Variants in WDR87 observed in about 807,000 individuals in gnomAD.
The protein encoded by WDR87 is WD repeat domain 87, also known as WD repeat-containing protein 87.
A neutral mutation model predicts 83.3 loss-of-function variants in WDR87; 56 were observed. That is an observed-to-expected ratio of 0.67 (90% CI 0.54 to 0.84). The LOEUF (loss-of-function observed/expected upper bound fraction) is 0.84, where lower values mean the gene tolerates loss of function less well. WDR87 is among the 40% of genes least tolerant of loss of function. The pLI is 0.00. For synonymous variants in WDR87, 1,173 were observed against 1,250.6 expected, an observed-to-expected ratio of 0.94 and a Z score of 1.31; for missense variants, 2,939 against 3,431.9, an observed-to-expected ratio of 0.86 and a Z score of 3.59.
chr19:37,887,243 A>C lies in WDR87; in HGVS notation c.6428T>G (p.Leu2143Arg). The C allele has an allele frequency of 1.3e-6, 2 of 1,551,776 alleles. No homozygotes were observed. Among genetic ancestry groups the C allele is most frequent in the Non-Finnish European group, 1.7e-6 (2 of 1,146,986 alleles). Residue 2143 changes from leucine to arginine, a missense_variant, in exon 6 of 6, where the codon CTC becomes CGC. Leu to Arg is a moderately radical substitution (Grantham distance 102). Coordinates refer to ENST00000447313, the MANE Select transcript of WDR87 (RefSeq NM_001291088.2). ...ACTCAACCTGCGCTCCTTAACAAAG[A>C]GTGCCCTCTTCATCTTTGTCATTTT... ...EIKMTKMKRA[L>R]FVKERRLSIE... is the part of the protein sequence containing the mutation.
chr19:37,885,388 C>G lies in WDR87; in HGVS notation c.8283G>C (p.Glu2761Asp), dbSNP rs2046134476. The G allele has an allele frequency of 4.5e-6, 7 of 1,551,880 alleles. No homozygotes were observed. In the East Asian group the frequency reaches 1.7e-4, roughly 38 times the overall value. The part of the protein sequence containing the change: ...KTQPISKKKE[E>D]LPLWETFVAL... The stretch of plus-strand genomic sequence containing the variant: ...CCACAAATGTCTCCCACAAAGGCAA[C>G]TCTTCCTTTTTTTTAGAAATGGGCT... Residue 2761 changes from glutamate to aspartate, a missense_variant, in exon 6 of 6, where the codon GAG (glutamate) becomes GAC (aspartate). Glu to Asp is a conservative substitution (Grantham distance 45). Transcript: ENST00000447313.
intron 1 of WDR87, among the ~76,000 whole-genome samples, chr19:37,903,975 C>G (rs546960829): frequency 1.3e-3 from 204 of 152,232 alleles, no homozygotes; most frequent in African/African-American, 4.5e-3. Flanking sequence ...GTGGCGCCAT[C>G]TCCGCTCACT....
Position 37,894,386 on chromosome 19 carries a change from G to A in WDR87, c.1317C>T (p.Thr439=), listed in dbSNP as rs1244385519. 6.4e-7 allele frequency: 1 copy of A among 1,551,750 alleles called. No homozygotes were observed. ...GATACTTGGCTGGGCAAGGGCAGCGGGTTGTGTCAAATACCAGAACCTCTG... is the reference window on the plus strand; with the variant it reads ...GATACTTGGCTGGGCAAGGGCAGCGAGTTGTGTCAAATACCAGAACCTCTG... ...GSSEVLVFDT[T]RCPCPAKYLL... is the part of the protein sequence containing the mutation. Residue 439 remains threonine, a synonymous_variant, in exon 4 of 6, where the codon ACC becomes ACT. Coordinates refer to ENST00000447313, the MANE Select transcript of WDR87 (RefSeq NM_001291088.2).
At chr19:37,897,332 C>T (rs1227543539) in intron 2 of WDR87, among the ~76,000 whole-genome samples, 1 of 151,392 alleles carries the variant, frequency 6.6e-6, no homozygotes, top group South Asian at 2.1e-4. Flanking sequence ...CCTCAGCCTC[C>T]CGAGTAGCTG....
At chr19:37,896,017 A>T (rs1425215453) in intron 3 of WDR87, 121 bp downstream of exon 3, 2 of 1,299,776 alleles carry the variant, frequency 1.5e-6, no homozygotes, top group Admixed American at 4.7e-5. Flanking sequence ...ATGAGGAGAG[A>T]TTTCTGGTTC....
Position 37,893,710 on chromosome 19 carries a change from A to G in WDR87, c.1993T>C (p.Phe665Leu). 6.4e-7 allele frequency: 1 copy of G among 1,551,830 alleles called. No homozygotes were observed. The highest frequency in any genetic ancestry group is 2.4e-5 in the East Asian group (1 of 40,924). ...GACACTAGGTAAAGACTCTGGTTAA[A>G]AGTCACAAGCAGGTCACCCCGGTCA... is the stretch of plus-strand genomic sequence containing the variant. ...ANDRGDLLVT[F>L]NQSLYLVSCL... The change falls in exon 4 of 6, where the codon TTT becomes CTT. Residue 665 changes from phenylalanine (F) to leucine (L), a missense_variant. Coordinates refer to ENST00000447313, the MANE Select transcript of WDR87 (RefSeq NM_001291088.2).
intron 2 of WDR87, among the ~76,000 whole-genome samples, chr19:37,897,678 G>A (rs2145438624): frequency 6.6e-6 from 1 of 152,028 alleles, no homozygotes; most frequent in East Asian, 2.0e-4. Flanking sequence ...GAGCTCAGGA[G>A]TTCACGACCA....
Position 37,885,899 on chromosome 19 carries a change from A to C in WDR87, c.7772T>G (p.Leu2591Arg). 1 of 1,552,352 alleles carries C rather than the reference A, an allele frequency of 6.4e-7. No individual in the cohort carries two copies. Residue 2591 changes from leucine to arginine, a missense_variant, in exon 6 of 6, where the codon CTG becomes CGG. Around this residue, in one of 3 missense-constraint regions of WDR87, gnomAD observed 2,160 missense variants for 2,533.1 expected, o/e 0.85. Coordinates refer to ENST00000447313, the MANE Select transcript of WDR87 (RefSeq NM_001291088.2). The part of the protein sequence containing the change: ...SRDGFHRLCQ[L>R]LKDLASKGNL... ...TCCCTTTGAGGCAAGGTCTTTGAGC[A>C]GCTGGCACAGTCTATGGAAACCATC...
chr19:37,888,943 C>T lies in WDR87; in HGVS notation c.4728G>A (p.Gln1576=). 6.4e-7 allele frequency: 1 copy of T among 1,552,188 alleles called. No individual in the cohort carries two copies. Among genetic ancestry groups the T allele is most frequent in the Non-Finnish European group, 8.7e-7 (1 of 1,147,128 alleles). ...AAGTCACTTCTTCCTCATCCTTGTA[C>T]TGTTGCTCCTTGGACTTAGATGATA... ...NMLSSKSKEQ[Q]YKDEEEVTLE... is the part of the protein sequence containing the mutation. The change falls in exon 6 of 6, where the codon CAG becomes CAA. Residue 1576 remains glutamine, a synonymous_variant. Coordinates refer to ENST00000447313, the MANE Select transcript of WDR87 (RefSeq NM_001291088.2).
intron 1 of WDR87, among the ~76,000 whole-genome samples, chr19:37,906,173 T>G (rs1373051413): frequency 6.6e-6 from 1 of 152,132 alleles, no homozygotes; most frequent in East Asian, 1.9e-4. Context: ...GGAGTGGCAA[T>G]ATACCTTAAA....
At chr19:37,890,652 T>C (rs538232300) in intron 5 of WDR87, among the ~76,000 whole-genome samples, 20 of 152,302 alleles carry the variant, frequency 1.3e-4, no homozygotes, top group African/African-American at 3.8e-4. Flanking sequence ...ACAATCAGGA[T>C]ATAAGGCATT....
In WDR87 at chr19:37,888,292, C is replaced by G. The variant is rs571399500; in HGVS notation, c.5379G>C (p.Glu1793Asp). ...GTTTCTCCCTTTGCCAGGCCAATGC[C>G]TCCTCTTCCTCAGCCAGTTTCTTCT... Reference protein sequence around the residue: ...EEKKKLAEEEEALAWQREKLS... With the variant: ...EEKKKLAEEEDALAWQREKLS... Residue 1793 changes from glutamate (E) to aspartate (D), a missense_variant, in exon 6 of 6, where the codon GAG becomes GAC. By Grantham distance (45) the Glu-to-Asp change is conservative. Transcript: ENST00000447313. The G allele has an allele frequency of 1.3e-6, 2 of 1,551,500 alleles. No individual in the cohort carries two copies. The highest frequency in any genetic ancestry group is 2.4e-5 in the South Asian group (2 of 83,992).
intron 4 of WDR87, 34 bp from the exon 5 acceptor site, chr19:37,891,854 G>A: frequency 6.5e-7 from 1 of 1,542,128 alleles, no homozygotes; most frequent in Non-Finnish European, 8.8e-7. Context: ...GGACTATGCT[G>A]AGTCAGGAAC....
Position 37,893,949 on chromosome 19 carries a change from T to C in WDR87, c.1754A>G (p.His585Arg), listed in dbSNP as rs767755758. The C allele has an allele frequency of 6.4e-7, 1 of 1,551,716 alleles. No homozygotes were observed. The highest frequency in any genetic ancestry group is 1.4e-5 in the African/African-American group (1 of 73,020). The stretch of plus-strand genomic sequence containing the variant: ...CTGTGACCCAGAGGACAGAAAATCA[T>C]GGAACTTCCAGAGACGCAGGCAGTT... The part of the protein sequence containing the change: ...ETNCLRLWKF[H>R]DFLSSGSQNG... The change falls in exon 4 of 6, where the codon CAT (histidine) becomes CGT (arginine). Residue 585 changes from histidine to arginine, a missense_variant. By Grantham distance (29) the His-to-Arg change is conservative. This residue lies in a region of WDR87 where 553 missense variants were observed against 577.9 expected (regional missense o/e 0.96). Coordinates refer to ENST00000447313, the MANE Select transcript of WDR87 (RefSeq NM_001291088.2).
chr19:37,903,527 A>T (rs76351031), intron 1 of WDR87, among the ~76,000 whole-genome samples: 51 of 152,224 alleles, frequency 3.4e-4, no homozygotes, highest in African/African-American at 1.2e-3. Context: ...AGTTTTACAT[A>T]TCTTTTAATT....
In WDR87 at chr19:37,885,562, T is replaced by C. The variant is rs2046136467; in HGVS notation, c.8109A>G (p.Gln2703=). The part of the protein sequence containing the change: ...ISIAHKEMEM[Q]YFYPATRDIF... ...TGTCTCTGGTGGCAGGATAAAAGTA[T>C]TGCATTTCCATCTCCTTGTGAGCAA... Residue 2703 remains glutamine, a synonymous_variant, in exon 6 of 6, where the codon CAA becomes CAG. Transcript: ENST00000447313. 1 of 1,551,604 alleles carries C rather than the reference T, an allele frequency of 6.4e-7. No individual in the cohort carries two copies. The highest frequency in any genetic ancestry group is 8.7e-7 in the Non-Finnish European group (1 of 1,147,002).
At chr19:37,891,861 G>C in intron 4 of WDR87, 41 bp from the exon 5 acceptor site, 1 of 1,533,306 alleles carries the variant, frequency 6.5e-7, no homozygotes, top group Non-Finnish European at 8.8e-7. Flanking sequence ...GCTGAGTCAG[G>C]AACAAAAGGG....
intron 1 of WDR87, among the ~76,000 whole-genome samples, chr19:37,900,650 A>T (rs1338404801): frequency 2.0e-5 from 3 of 151,554 alleles, no homozygotes; most frequent in Non-Finnish European, 4.4e-5. Context: ...TGATGCTCAG[A>T]AGGCTCTCCG....
intron 1 of WDR87, among the ~76,000 whole-genome samples, chr19:37,903,749 C>G (rs1265811152): frequency 2.6e-5 from 4 of 152,052 alleles, no homozygotes; most frequent in Admixed American, 6.6e-5. Flanking sequence ...AGGCTGGTCT[C>G]AAACTCCTGG....
Sources: gnomAD v4.1 joint callset for allele counts (sites outside exome capture counted in the v4.1 genomes callset) on GRCh38, gnomAD v4.1.1 for gene constraint, gnomAD v4.1.1 regional missense constraint, MANE v1.5 for transcripts, NCBI Gene and HGNC (gene_info 2026-07-23, HGNC 2026-07-21) for gene names.